MVK: variants seen among roughly 807,000 people sequenced by gnomAD.
MVK encodes mevalonate kinase, also known as LH receptor mRNA-binding protein.
MVK carries 34 observed loss-of-function variants against 43.2 expected under a neutral mutation model. The ratio of observed to expected loss-of-function variants is 0.79; its 90% CI spans 0.60 to 1.05. The LOEUF (loss-of-function observed/expected upper bound fraction) is 1.05. Ranked by LOEUF, MVK falls within the 50% of genes least tolerant of loss-of-function variation. The pLI is 0.00. For missense variants in MVK, 395 were observed against 504.0 expected (o/e 0.78, Z 2.07); for synonymous variants, 190 against 219.8 (o/e 0.86, Z 1.20).
intron 9 of MVK, among the ~76,000 whole-genome samples, chr12:109,593,146 G>A (rs1233926782): frequency 2.0e-5 from 3 of 152,206 alleles, no homozygotes; most frequent in Non-Finnish European, 2.9e-5. Context: ...AACCTGCCTC[G>A]GCAACGTGAC....
rs1004219207 is a variant in MVK at position 109,580,047 on chromosome 12, A to G, written c.371+101A>G. 7.8e-6 allele frequency: 12 copies of G among 1,545,260 alleles called. No homozygotes were observed. The East Asian group carries it at 2.5e-4, about 32-fold the overall frequency. On this transcript the variant is annotated intron_variant, in intron 4 of 10. Coordinates refer to ENST00000228510, the MANE Select transcript of MVK (RefSeq NM_000431.4). ...CTGGAGAATGCACATGCTCTCTTCT[A>G]GAGCAGCAGCCATTGGCTGTCCTCA...
chr12:109,573,833 G>C lies in MVK; in HGVS notation c.-55G>C, dbSNP rs886048929. ...GAGTTGGGGAGCTGCTCCGGCTTCG[G>C]CGCGGAGGGGCGGCGGCCGGGGAGG... On this transcript the variant is annotated 5_prime_UTR_variant, in exon 1 of 11. Transcript: ENST00000228510. 28 of 224,856 alleles carry C rather than the reference G, an allele frequency of 1.2e-4. No individual in the cohort carries two copies. The highest frequency in any genetic ancestry group is 5.9e-4 in the Admixed American group (10 of 16,896). The allele number at this position is 224,856 out of a possible 1,614,324, so 13.9% of individuals were successfully genotyped here.
intron 8 of MVK, 52 bp from the exon 9 acceptor site, chr12:109,591,178 GGCAGCTGTCCT>G: frequency 6.8e-7 from 1 of 1,480,970 alleles, no homozygotes; most frequent in East Asian, 2.3e-5. Flanking sequence ...CCACTGCTGG[GGCAGCTGTCCT>G]GCATCTGCCT....
intron 9 of MVK, 119 bp from the exon 10 acceptor site, chr12:109,594,909 C>A: frequency 7.8e-7 from 1 of 1,281,978 alleles, no homozygotes; most frequent in Non-Finnish European, 1.1e-6. Context: ...GCCAGGTAGG[C>A]AAAGCCGTTG....
Position 109,596,650 on chromosome 12 carries a change from T to C in MVK, c.*73T>C. ...TATTCTGGGGGCTGCAGTTCGACTC[T>C]GTGCTGGCCAGCGAGCGCCCAGCTC... On this transcript the variant is annotated 3_prime_UTR_variant, in exon 11 of 11. Coordinates refer to ENST00000228510, the MANE Select transcript of MVK (RefSeq NM_000431.4). 2 of 1,575,724 alleles carry C rather than the reference T, an allele frequency of 1.3e-6. No homozygotes were observed. Among genetic ancestry groups the C allele is most frequent in the South Asian group, 2.2e-5 (2 of 89,638 alleles).
intron 5 of MVK, among the ~76,000 whole-genome samples, chr12:109,583,040 T>C (rs1593019272): frequency 1.3e-5 from 2 of 152,088 alleles, no homozygotes; most frequent in Non-Finnish European, 2.9e-5. Context: ...TTTTTTTAAC[T>C]ATATTATCAT....
intron 3 of MVK, among the ~76,000 whole-genome samples, chr12:109,576,875 A>G (rs887676655): frequency 5.9e-5 from 9 of 152,074 alleles, no homozygotes; most frequent in Non-Finnish European, 1.0e-4. Flanking sequence ...CATCTCAAAA[A>G]AAAAAAAAAA....
chr12:109,576,269 C>A lies in MVK; in HGVS notation c.226+124C>A, dbSNP rs961929892. 9 of 1,231,026 alleles carry A rather than the reference C, an allele frequency of 7.3e-6. No homozygotes were observed. The African/African-American group carries it at 1.2e-4, about 17-fold the overall frequency. 76.3% of individuals were successfully genotyped at this position (1,231,026 alleles called of 1,614,324 possible). On this transcript the variant is annotated intron_variant, in intron 3 of 10. Coordinates refer to ENST00000228510, the MANE Select transcript of MVK (RefSeq NM_000431.4). ...ATTTCCCGGGTGTTTTCTACCCTGA[C>A]CTCATAAAATTAGCTTCACTCATTT...
Position 109,595,189 on chromosome 12 carries a change from G to A in MVK, c.1039+8G>A, listed in dbSNP as rs765989100. 9 of 1,613,642 alleles carry A rather than the reference G, an allele frequency of 5.6e-6. No homozygotes were observed. Among genetic ancestry groups the A allele is most frequent in the South Asian group, 2.2e-5 (2 of 91,076 alleles). ...TCACACTCCTCAAGCCAGGTATCCC[G>A]GGGGTAGGTGGGCCAGGCTGCCAGC... is the stretch of plus-strand genomic sequence containing the variant. On this transcript the variant is annotated splice_region_variant and intron_variant, in intron 10 of 10. Transcript: ENST00000228510. This position sits in a 1 kb window ranked among gnomAD's most constrained non-coding sequence, Gnocchi z 5.9.
chr12:109,580,538 C>T (rs898404727), intron 4 of MVK, among the ~76,000 whole-genome samples: 3 of 152,140 alleles, frequency 2.0e-5, no homozygotes, highest in South Asian at 2.1e-4. Context: ...AGGACACATT[C>T]GGAAACGGCC....
intron 6 of MVK, 100 bp from the exon 7 acceptor site, chr12:109,586,654 T>C: frequency 7.4e-7 from 1 of 1,343,642 alleles, no homozygotes; most frequent in Non-Finnish European, 1.1e-6. Flanking sequence ...CTTTCCTGAA[T>C]GGGGCAAAAT....
At chr12:109,574,729 G>A in intron 1 of MVK, 80 bp from the exon 2 acceptor site, 1 of 1,192,934 alleles carries the variant, frequency 8.4e-7, no homozygotes, top group Non-Finnish European at 1.2e-6. Context: ...TGATGGGCTT[G>A]AACTAGGTGT....
At chr12:109,584,741 C>T (rs1479145861) in intron 5 of MVK, among the ~76,000 whole-genome samples, 11 of 152,092 alleles carry the variant, frequency 7.2e-5, no homozygotes, top group African/African-American at 2.7e-4. Context: ...AAACATTAGC[C>T]AGGCGTGGTG....
At chr12:109,592,444 C>T (rs985601099) in intron 9 of MVK, among the ~76,000 whole-genome samples, 1 of 152,192 alleles carries the variant, frequency 6.6e-6, no homozygotes, top group African/African-American at 2.4e-5. Context: ...AGGAGAGGGG[C>T]GTGCGGTCTC....
At position 109,586,776 on chromosome 12, in the gene MVK, A is replaced by G. The variant is rs1372236496; in HGVS notation, c.654A>G (p.Gln218=). 1 of 1,614,202 alleles carries G rather than the reference A, an allele frequency of 6.2e-7. No homozygotes were observed. Among genetic ancestry groups the G allele is most frequent in the South Asian group, 1.1e-5 (1 of 91,086 alleles). The change falls in exon 7 of 11, where the codon CAA becomes CAG. Residue 218 remains glutamine, a synonymous_variant. Transcript: ENST00000228510. ...STWGGALRYH[Q]GKISSLKRSP... ...TAGGAGGAGCCCTCCGATACCATCA[A>G]GGGAAGATTTCATCCTTAAAGAGGT...
chr12:109,581,587 C>T, intron 5 of MVK, 37 bp downstream of exon 5: 1 of 1,613,994 alleles, frequency 6.2e-7, no homozygotes, highest in East Asian at 2.2e-5. Flanking sequence ...GTCCCTCCCG[C>T]ACGGCAGGAC....
At chr12:109,573,563 A>C (rs560451620), upstream of MVK, 16 of 1,489,564 alleles carry the variant, frequency 1.1e-5, no homozygotes, top group African/African-American at 1.4e-5. Flanking sequence ...TGGCCGCGCC[A>C]CCGCTCAGGT....
At chr12:109,593,931 T>A (rs149753088) in intron 9 of MVK, among the ~76,000 whole-genome samples, 3 of 151,960 alleles carry the variant, frequency 2.0e-5, no homozygotes, top group African/African-American at 4.8e-5. Flanking sequence ...TTGGCCAGGC[T>A]GGTCTCAAAC....
chr12:109,583,706 G>C (rs1885321283), intron 5 of MVK, among the ~76,000 whole-genome samples: 1 of 152,200 alleles, frequency 6.6e-6, no homozygotes, highest in South Asian at 2.1e-4. Flanking sequence ...CTAGTTTACA[G>C]TCCCACCAAC....
Sources: gnomAD v4.1 joint callset for allele counts (sites outside exome capture counted in the v4.1 genomes callset) on GRCh38, gnomAD v4.1.1 for gene constraint, Gnocchi (gnomAD v3.1) non-coding constraint, MANE v1.5 for transcripts, NCBI Gene and HGNC (gene_info 2026-07-23, HGNC 2026-07-21) for gene names.